CSMD1: variants seen among roughly 807,000 people sequenced by gnomAD.
CSMD1 encodes CUB and Sushi multiple domains 1.
Under a neutral mutation model 417.5 loss-of-function variants are expected in CSMD1, and 213 were observed. The observed-to-expected ratio is 0.51, with a 90% confidence interval of 0.46 to 0.57. The LOEUF (loss-of-function observed/expected upper bound fraction) is 0.57. Ranked by LOEUF, CSMD1 falls within the 20% of genes least tolerant of loss-of-function variation. The probability of loss-of-function intolerance (pLI) is 0.00; values close to 1 mark genes in which losing one functional copy is unlikely to be tolerated. For synonymous variants in CSMD1, 2,862 were observed against 1,736.8 expected (o/e 1.65, Z -16.11); for missense variants, 6,923 against 4,529.7 (o/e 1.53, Z -15.17).
rs1797721488 is a variant in CSMD1 at position 4,429,026 on chromosome 8, A to G, written c.303-8961T>C. Among the ~76,000 whole-genome samples the G allele has an allele frequency of 2.0e-5, 3 of 151,914 alleles. No individual in the cohort carries two copies. The South Asian group carries it at 6.2e-4, about 32-fold the overall frequency. On this transcript the variant is annotated intron_variant, in intron 2 of 69. Transcript: ENST00000635120. ...ACTGCACGTCGGCCTTATCTTAGGT[A>G]TTTTTTTAATAAGAGTTTTACATAC... is the stretch of plus-strand genomic sequence containing the variant.
intron 3 of CSMD1, among the ~76,000 whole-genome samples, chr8:4,086,844 T>A (rs9644282): frequency 0.16 from 25,032 of 152,158 alleles, 2,437 homozygotes; most frequent in South Asian, 0.34. Context: ...CCTTGTCAAA[T>A]TTCATCACGT....
At chr8:3,653,542 C>T (rs1797961835) in intron 7 of CSMD1, among the ~76,000 whole-genome samples, 1 of 152,186 alleles carries the variant, frequency 6.6e-6, no homozygotes, top group Non-Finnish European at 1.5e-5. Context: ...CTCCTGACCT[C>T]AAGTAATCAG....
intron 1 of CSMD1, among the ~76,000 whole-genome samples, chr8:4,962,296 G>T (rs969770471): frequency 1.3e-5 from 2 of 151,848 alleles, no homozygotes; most frequent in African/African-American, 4.8e-5. Context: ...TGGCAGCTTG[G>T]AACTCCTGGT....
chr8:4,103,057 T>C (rs1801387069), intron 3 of CSMD1, among the ~76,000 whole-genome samples: 10 of 152,192 alleles, frequency 6.6e-5, no homozygotes. Context: ...AGAATTATGT[T>C]ACATGGTTGT....
intron 3 of CSMD1, among the ~76,000 whole-genome samples, chr8:4,210,322 G>A (rs1049300408): frequency 2.8e-4 from 42 of 152,314 alleles, no homozygotes; most frequent in African/African-American, 7.9e-4. Flanking sequence ...TCAAGTGTGG[G>A]ATTGTGCTGT....
intron 3 of CSMD1, among the ~76,000 whole-genome samples, chr8:4,313,876 TG>T (rs1798769933): frequency 1.3e-5 from 2 of 152,002 alleles, no homozygotes; most frequent in South Asian, 4.2e-4. Flanking sequence ...TAGCTAGGCA[TG>T]GTGGTGCACA....
intron 55 of CSMD1, among the ~76,000 whole-genome samples, chr8:2,976,543 C>T (rs1009359121): frequency 4.6e-5 from 7 of 152,074 alleles, no homozygotes; most frequent in African/African-American, 1.7e-4. Context: ...GAGATGGAGT[C>T]TGGCTAGGTT....
At chr8:4,705,387 C>T (rs550884240) in intron 1 of CSMD1, among the ~76,000 whole-genome samples, 1 of 152,280 alleles carries the variant, frequency 6.6e-6, no homozygotes, top group Admixed American at 6.5e-5. Context: ...CAGCGTCTAT[C>T]AAGAACATGC....
chr8:3,930,909 A>T (rs2948644), intron 5 of CSMD1, among the ~76,000 whole-genome samples: 1 of 149,840 alleles, frequency 6.7e-6, no homozygotes, highest in Non-Finnish European at 1.5e-5. Flanking sequence ...ACAGAAAAAT[A>T]ATTTACAATG....
At chr8:4,155,807 C>T (rs546698189) in intron 3 of CSMD1, among the ~76,000 whole-genome samples, 1 of 152,240 alleles carries the variant, frequency 6.6e-6, no homozygotes, top group East Asian at 1.9e-4. Flanking sequence ...AAGGGGAATA[C>T]ACAAAGCTGC....
intron 10 of CSMD1, among the ~76,000 whole-genome samples, chr8:3,572,085 C>G (rs1297718974): frequency 6.6e-6 from 1 of 152,148 alleles, no homozygotes; most frequent in Non-Finnish European, 1.5e-5. Context: ...TCCCTGCAGG[C>G]ATTTGGCTCC....
chr8:4,006,913 C>A (rs1816165054), intron 4 of CSMD1, among the ~76,000 whole-genome samples: 1 of 147,724 alleles, frequency 6.8e-6, no homozygotes, highest in Admixed American at 6.9e-5. Flanking sequence ...CTGCAAGCTC[C>A]GCCTCCTGGG....
intron 38 of CSMD1, among the ~76,000 whole-genome samples, chr8:3,159,103 A>G (rs888787872): frequency 2.6e-5 from 4 of 152,186 alleles, no homozygotes; most frequent in South Asian, 4.1e-4. Flanking sequence ...CACTCTCTGT[A>G]TCCCCATTCT....
chr8:3,639,063 G>A (rs747177604), intron 7 of CSMD1, among the ~76,000 whole-genome samples: 7 of 152,114 alleles, frequency 4.6e-5, no homozygotes, highest in Non-Finnish European at 1.0e-4. Context: ...TTAGCATTAC[G>A]TTCAGCCTAC....
At chr8:3,823,388 C>T (rs1406473659) in intron 5 of CSMD1, among the ~76,000 whole-genome samples, 1 of 152,094 alleles carries the variant, frequency 6.6e-6, no homozygotes, top group Admixed American at 6.6e-5. Context: ...AAGTTAAATA[C>T]TGTTAGATTT....
intron 3 of CSMD1, among the ~76,000 whole-genome samples, chr8:4,312,015 T>G (rs1394762146): frequency 6.6e-6 from 1 of 152,160 alleles, no homozygotes; most frequent in Non-Finnish European, 1.5e-5. Flanking sequence ...TGCATTGCTA[T>G]GAAATTATTA....
chr8:4,938,103 G>T (rs1295901280), intron 1 of CSMD1, among the ~76,000 whole-genome samples: 5 of 151,968 alleles, frequency 3.3e-5, no homozygotes, highest in Admixed American at 6.6e-5. Context: ...TAGCAACAAA[G>T]AATTTTAAGT....
intron 5 of CSMD1, among the ~76,000 whole-genome samples, chr8:3,881,218 C>G (rs2930341): frequency 0.23 from 34,382 of 151,260 alleles, 4,613 homozygotes; most frequent in African/African-American, 0.37. Context: ...AGATTCAAGT[C>G]ACTCTCAACC....
intron 49 of CSMD1, among the ~76,000 whole-genome samples, chr8:3,059,533 G>A (rs1812452855): frequency 6.6e-6 from 1 of 152,108 alleles, no homozygotes; most frequent in African/African-American, 2.4e-5. Context: ...ACGACTCAGG[G>A]CCCAGGTGAC....
Sources: gnomAD v4.1 joint callset for allele counts (sites outside exome capture counted in the v4.1 genomes callset) on GRCh38, gnomAD v4.1.1 for gene constraint, MANE v1.5 for transcripts, NCBI Gene and HGNC (gene_info 2026-07-23, HGNC 2026-07-21) for gene names.